The following LAMB4 variants were observed in gnomAD, a reference collection of about 807,000 sequenced individuals.
The protein encoded by LAMB4 is laminin subunit beta 4.
LAMB4 carries 196 observed loss-of-function variants against 199.2 expected under a neutral mutation model. The observed-to-expected ratio is 0.98, with a 90% CI of 0.88 to 1.11. The LOEUF (loss-of-function observed/expected upper bound fraction) is 1.11. LAMB4 is among the 50% of genes least tolerant of loss of function. The probability of loss-of-function intolerance (pLI) is 0.00; values close to 1 mark genes in which losing one functional copy is unlikely to be tolerated. For synonymous variants in LAMB4, 744 were observed against 770.6 expected (o/e 0.97, Z 0.57); for missense variants, 2,080 against 2,171.2 (o/e 0.96, Z 0.83).
At chr7:108,115,185 C>T (rs2038363138) in intron 3 of LAMB4, among the ~76,000 whole-genome samples, 1 of 152,128 alleles carries the variant, frequency 6.6e-6, no homozygotes, top group Non-Finnish European at 1.5e-5. Context: ...AAAGACTAAC[C>T]AAAAAGACTT....
At position 108,096,426 on chromosome 7, in the gene LAMB4, T is replaced by C. The variant is rs1454029087; in HGVS notation, c.1361-1089A>G. On this transcript the variant is annotated intron_variant, in intron 11 of 33. Coordinates refer to ENST00000388781, the MANE Select transcript of LAMB4 (RefSeq NM_007356.3). ...ATCCATCAGTGGATACTTGGGTTAC[T>C]TCCACCTTTTGGCTAGTGTTGCTGT... 3.9e-5 allele frequency among the ~76,000 whole-genome samples: 6 copies of C among 152,204 alleles called. No homozygotes were observed. In the South Asian group the frequency reaches 1.2e-3, roughly 31 times the overall value.
At position 108,067,653 on chromosome 7, in the gene LAMB4, A is replaced by G. The variant is rs1584673910; in HGVS notation, c.2446+363T>C. ...ATCTTATCATTGTTTTAGCCTTTCC[A>G]GCCACTGGGTTTGTGAGCTAGATCC... On this transcript the variant is annotated intron_variant, in intron 19 of 33. Coordinates refer to ENST00000388781, the MANE Select transcript of LAMB4 (RefSeq NM_007356.3). Among the ~76,000 whole-genome samples the G allele has an allele frequency of 3.3e-5, 5 of 152,188 alleles. No homozygotes were observed. In the South Asian group the frequency reaches 1.0e-3, roughly 32 times the overall value.
intron 23 of LAMB4, among the ~76,000 whole-genome samples, chr7:108,061,611 C>T (rs767349255): frequency 7.3e-5 from 11 of 151,576 alleles, no homozygotes; most frequent in African/African-American, 2.2e-4. Flanking sequence ...TGGTGGTGGG[C>T]GCCTGTAATC....
chr7:108,072,806 T>G (rs2036577722), intron 17 of LAMB4, among the ~76,000 whole-genome samples: 1 of 152,202 alleles, frequency 6.6e-6, no homozygotes, highest in Admixed American at 6.5e-5. Context: ...TACTACTGTA[T>G]TCTTAAGTTG....
At chr7:108,039,118 A>T (rs1172327802) in intron 29 of LAMB4, among the ~76,000 whole-genome samples, 1 of 152,108 alleles carries the variant, frequency 6.6e-6, no homozygotes, top group East Asian at 1.9e-4. Context: ...ACAGGAGCTA[A>T]AGCTCAGGGT....
intron 29 of LAMB4, among the ~76,000 whole-genome samples, chr7:108,041,699 A>G (rs1055503538): frequency 2.0e-5 from 3 of 152,190 alleles, no homozygotes; most frequent in Admixed American, 2.0e-4. Flanking sequence ...AATGATGAGA[A>G]CACATGGACA....
At chr7:108,092,924 A>C (rs2150616623) in intron 12 of LAMB4, among the ~76,000 whole-genome samples, 1 of 152,302 alleles carries the variant, frequency 6.6e-6, no homozygotes. Flanking sequence ...TATAAAATGA[A>C]GGGGACAGGA....
intron 29 of LAMB4, among the ~76,000 whole-genome samples, chr7:108,038,943 G>C (rs1452484223): frequency 1.3e-5 from 2 of 152,190 alleles, no homozygotes; most frequent in Non-Finnish European, 2.9e-5. Context: ...CACAGGAACA[G>C]AAGTGATCAA....
chr7:108,044,955 C>CAAAAAA (rs756256335), intron 28 of LAMB4, among the ~76,000 whole-genome samples: 27 of 55,602 alleles, frequency 4.9e-4, no homozygotes, highest in South Asian at 6.6e-4. Flanking sequence ...ATTCTTGTCT[C>CAAAAAA]AAAAAAAAAA....
intron 8 of LAMB4, 78 bp downstream of exon 8, chr7:108,105,739 G>A: frequency 8.3e-7 from 1 of 1,198,282 alleles, no homozygotes; most frequent in Non-Finnish European, 1.2e-6. Context: ...TCCATGTGGA[G>A]TGTCTCATCT....
rs371953336 is a variant in LAMB4, at chr7:108,066,510, C to A, written c.2537G>T (p.Arg846Leu). The A allele has an allele frequency of 1.2e-6, 2 of 1,614,008 alleles. No individual in the cohort carries two copies. The highest frequency in any genetic ancestry group is 1.7e-6 in the Non-Finnish European group (2 of 1,179,956). ...CPCHGEVSGRRCDRCLAGYFG... is the reference protein window; with the variant it reads ...CPCHGEVSGRLCDRCLAGYFG... ...GTAGCCTGCCAGGCAGCGATCACAG[C>A]GGCGGCCAGACACCTCTCCATGGCA... is the stretch of plus-strand genomic sequence containing the variant. The change falls in exon 20 of 34, where the codon CGC becomes CTC. Residue 846 changes from arginine to leucine, a missense_variant. Physicochemically the swap from Arg to Leu is moderately radical, Grantham distance 102 (BLOSUM62 -2). Coordinates refer to ENST00000388781, the MANE Select transcript of LAMB4 (RefSeq NM_007356.3).
intron 25 of LAMB4, 78 bp downstream of exon 25, chr7:108,055,554 G>A: frequency 7.1e-7 from 1 of 1,398,868 alleles, no homozygotes; most frequent in Non-Finnish European, 9.8e-7. Flanking sequence ...CTAAATTGAA[G>A]GCTGACGATG....
At chr7:108,042,885 T>A (rs2150508419) in intron 29 of LAMB4, among the ~76,000 whole-genome samples, 1 of 151,662 alleles carries the variant, frequency 6.6e-6, no homozygotes, top group South Asian at 2.1e-4. Context: ...ATTTGAAAAA[T>A]GGTTATGGAA....
chr7:108,051,637 G>T (rs938939541), intron 26 of LAMB4, among the ~76,000 whole-genome samples: 9 of 152,106 alleles, frequency 5.9e-5, no homozygotes, highest in African/African-American at 1.9e-4. Flanking sequence ...GTAGTATGTT[G>T]CATGACTCTC....
At chr7:108,095,934 A>C (rs1053970238) in intron 11 of LAMB4, among the ~76,000 whole-genome samples, 7 of 152,238 alleles carry the variant, frequency 4.6e-5, no homozygotes, top group African/African-American at 1.7e-4. Context: ...TGGATAAATA[A>C]AAGTGGCACC....
intron 28 of LAMB4, among the ~76,000 whole-genome samples, chr7:108,046,124 A>G (rs1417113898): frequency 6.6e-6 from 1 of 151,628 alleles, no homozygotes; most frequent in Non-Finnish European, 1.5e-5. Context: ...GCTGGAGTGC[A>G]ATGGCATGAT....
At chr7:108,032,636 T>G (rs1003731652) in intron 31 of LAMB4, among the ~76,000 whole-genome samples, 6 of 152,048 alleles carry the variant, frequency 3.9e-5, no homozygotes, top group African/African-American at 9.7e-5. Context: ...TAGCAAATCT[T>G]AGTGGAGATG....
downstream of LAMB4, among the ~76,000 whole-genome samples, chr7:108,021,070 A>G (rs772633979): frequency 2.0e-5 from 3 of 152,202 alleles, no homozygotes; most frequent in Non-Finnish European, 4.4e-5. Context: ...CAAAGTCTAC[A>G]TCCTCAATCT....
chr7:108,101,671 A>G (rs1034494781), intron 10 of LAMB4, among the ~76,000 whole-genome samples: 4 of 152,188 alleles, frequency 2.6e-5, no homozygotes, highest in Admixed American at 2.6e-4. Flanking sequence ...AAAAATGTAT[A>G]GCAGTGATGG....
Sources: gnomAD v4.1 joint callset for allele counts (sites outside exome capture counted in the v4.1 genomes callset) on GRCh38, gnomAD v4.1.1 for gene constraint, MANE v1.5 for transcripts, NCBI Gene and HGNC (gene_info 2026-07-23, HGNC 2026-07-21) for gene names.